Variants in PCDH11X observed in about 807,000 individuals in gnomAD.
PCDH11X encodes protocadherin-11 X-linked.
Under a neutral mutation model 53.3 loss-of-function variants are expected in PCDH11X, and 18 were observed. That is an observed-to-expected ratio of 0.34 (90% CI 0.23 to 0.50). The LOEUF is 0.50. PCDH11X is among the 20% of genes least tolerant of loss of function. The probability of loss-of-function intolerance (pLI) is 0.98; values close to 1 mark genes in which losing one functional copy is unlikely to be tolerated. For synonymous variants in PCDH11X, 279 were observed against 393.3 expected (o/e 0.71, Z 3.44); for missense variants, 570 against 1,032.4 (o/e 0.55, Z 6.14).
At chrX:92,506,017 C>G (rs943984569) in intron 10 of PCDH11X, among the ~76,000 whole-genome samples, 3 of 110,177 alleles carry the variant, frequency 2.7e-5, no homozygotes, top group African/African-American at 9.9e-5. Context: ...GATTTTGTGT[C>G]CTGAAACTTT....
At chrX:92,160,127 G>A (rs1164267369) in intron 6 of PCDH11X, among the ~76,000 whole-genome samples, 1 of 108,707 alleles carries the variant, frequency 9.2e-6, no homozygotes, top group Non-Finnish European at 1.9e-5. Context: ...TCTGTAGCTG[G>A]CTGTCTCTAC....
intron 10 of PCDH11X, among the ~76,000 whole-genome samples, chrX:92,551,876 C>G (rs918638826): frequency 9.5e-6 from 1 of 105,731 alleles, no homozygotes; most frequent in Non-Finnish European, 2.0e-5. Context: ...GGATTTAATT[C>G]TGGGTTCTCT....
intron 6 of PCDH11X, among the ~76,000 whole-genome samples, chrX:92,117,421 A>C (rs2064662763): frequency 9.6e-6 from 1 of 103,925 alleles, no homozygotes; most frequent in Non-Finnish European, 1.9e-5. Flanking sequence ...GGGGTGAAAC[A>C]ACAAAACTCT....
intron 10 of PCDH11X, among the ~76,000 whole-genome samples, chrX:92,487,274 G>A (rs2148680446): frequency 9.3e-6 from 1 of 107,997 alleles, no homozygotes; most frequent in East Asian, 2.9e-4. Context: ...GCTGAACTCT[G>A]AGAAATATGC....
intron 8 of PCDH11X, among the ~76,000 whole-genome samples, chrX:92,318,730 T>C (rs1453931065): frequency 5.4e-5 from 6 of 111,222 alleles, no homozygotes; most frequent in Non-Finnish European, 1.1e-4. Context: ...TTTCTAATCA[T>C]AGGAAAATTG....
At chrX:92,492,863 T>A (rs888332057) in intron 10 of PCDH11X, among the ~76,000 whole-genome samples, 27 of 110,555 alleles carry the variant, frequency 2.4e-4, no homozygotes, top group Non-Finnish European at 4.2e-4. Flanking sequence ...TATGATAATC[T>A]CTTCTTTCAT....
intron 6 of PCDH11X, chrX:91,883,742 T>C (rs1461345314): frequency 1.7e-6 from 1 of 572,183 alleles, no homozygotes; most frequent in African/African-American, 2.6e-5. Flanking sequence ...GAGGCGGAGC[T>C]TGCAGTGAGC....
intron 6 of PCDH11X, among the ~76,000 whole-genome samples, chrX:91,969,851 T>G: frequency 9.1e-6 from 1 of 109,718 alleles, no homozygotes; most frequent in Non-Finnish European, 1.9e-5. Context: ...ATCATCGTGT[T>G]TGGCAGCATG....
intron 8 of PCDH11X, among the ~76,000 whole-genome samples, chrX:92,265,087 A>T (rs2067799108): frequency 9.2e-6 from 1 of 109,024 alleles, no homozygotes; most frequent in Admixed American, 1.0e-4. Flanking sequence ...GAGGTAGGGG[A>T]TGGGGTCTCG....
At chrX:92,392,595 G>A (rs1232493213) in intron 9 of PCDH11X, among the ~76,000 whole-genome samples, 1 of 109,417 alleles carries the variant, frequency 9.1e-6, no homozygotes, top group African/African-American at 3.3e-5. Context: ...ATAACACTAG[G>A]GTAATTACTA....
At chrX:91,964,595 A>T (rs1273563695) in intron 6 of PCDH11X, among the ~76,000 whole-genome samples, 1 of 112,534 alleles carries the variant, frequency 8.9e-6, no homozygotes, top group Non-Finnish European at 1.9e-5. Flanking sequence ...GTAACATTAC[A>T]CTATTGAGCA....
intron 8 of PCDH11X, among the ~76,000 whole-genome samples, chrX:92,276,307 G>A (rs1370243401): frequency 9.3e-6 from 1 of 107,075 alleles, no homozygotes; most frequent in Admixed American, 1.0e-4. Context: ...AGGGGCTTCC[G>A]AGGCGATCGG....
intron 6 of PCDH11X, among the ~76,000 whole-genome samples, chrX:92,132,117 C>CAA (rs1213410170): frequency 0.038 from 1,571 of 41,081 alleles, 67 homozygotes; most frequent in African/African-American, 0.13. Flanking sequence ...ACTAAAAATA[C>CAA]AAAAAAAAAA....
intron 8 of PCDH11X, among the ~76,000 whole-genome samples, chrX:92,273,565 C>T (rs1024556695): frequency 2.0e-4 from 22 of 109,782 alleles, no homozygotes; most frequent in East Asian, 1.4e-3. Flanking sequence ...AGTGTTGGGG[C>T]GGTGAAAATT....
chrX:92,211,429 A>G (rs1006519881), intron 7 of PCDH11X, among the ~76,000 whole-genome samples: 1 of 111,991 alleles, frequency 8.9e-6, no homozygotes, highest in African/African-American at 3.2e-5. Context: ...GGGAATTACA[A>G]TTCAACATGG....
rs1191876746 is a variant in PCDH11X at position 91,924,237 on chromosome X, A to G, written c.3033+44964A>G. Among the ~76,000 whole-genome samples, 3 of 109,173 alleles carry G rather than the reference A, an allele frequency of 2.7e-5. No individual in the cohort carries two copies. In the Admixed American group the frequency reaches 3.0e-4, roughly 11 times the overall value. The allele number at this position is 109,173 out of a possible 115,157, so 94.8% of individuals were successfully genotyped here. A position where few individuals can be genotyped will look rare whatever the true frequency, so the allele number is the denominator to read the frequency against. ...TTCAATTTAATCACAAGTCTCCTTA[A>G]GTTTGGAAGAGGGAGGCATAACAGG... On this transcript the variant is annotated intron_variant, in intron 6 of 10. Transcript: ENST00000682573.
chrX:91,942,797 T>C (rs947846833), intron 6 of PCDH11X, among the ~76,000 whole-genome samples: 5 of 111,271 alleles, frequency 4.5e-5, no homozygotes, highest in Non-Finnish European at 9.5e-5. Flanking sequence ...CCTTAATGAA[T>C]ATAGATATAA....
rs1935049978 is a variant in PCDH11X at position 91,779,399 on chromosome X, G to T, written c.-664G>T. 1 of 110,211 alleles carries T rather than the reference G, an allele frequency of 9.1e-6. No individual in the cohort carries two copies. 9.1% of individuals were successfully genotyped at this position (110,211 alleles called of 1,213,427 possible). A position where few individuals can be genotyped will look rare whatever the true frequency, so the allele number is the denominator to read the frequency against. ...TGCAGTCGGCGAACTGTCGGGGCGG[G>T]AGGAGCCGTGAGCAGTAGCTGCACT... On this transcript the variant is annotated 5_prime_UTR_variant, in exon 1 of 11. Coordinates refer to ENST00000682573, the MANE Select transcript of PCDH11X (RefSeq NM_032968.5).
At chrX:91,941,654 T>C (rs947074423) in intron 6 of PCDH11X, among the ~76,000 whole-genome samples, 23 of 107,986 alleles carry the variant, frequency 2.1e-4, no homozygotes, top group African/African-American at 7.4e-4. Flanking sequence ...TTCAACAAGT[T>C]TTGTGATCAG....
Sources: allele counts gnomAD v4.1 joint callset (sites outside exome capture counted in the v4.1 genomes callset), GRCh38; gene constraint gnomAD v4.1.1; transcripts MANE v1.5; gene names NCBI Gene and HGNC (gene_info 2026-07-23, HGNC 2026-07-21).